Variants in LRP1B observed in about 807,000 individuals in gnomAD.
LRP1B encodes the protein LDL receptor related protein 1B.
A neutral mutation model predicts 556.6 loss-of-function variants in LRP1B; 217 were observed. The ratio of observed to expected loss-of-function variants is 0.39; its 90% CI spans 0.35 to 0.44. The LOEUF (loss-of-function observed/expected upper bound fraction) is 0.44. LRP1B is among the 20% of genes least tolerant of loss of function. LRP1B has a pLI of 1.00. For missense variants in LRP1B, 5,053 were observed against 5,620.8 expected (o/e 0.90, Z 3.23); for synonymous variants, 2,047 against 1,865.8 (o/e 1.10, Z -2.50).
chr2:140,605,756 GAC>G (rs1388844592), intron 41 of LRP1B, among the ~76,000 whole-genome samples: 1 of 147,772 alleles, frequency 6.8e-6, no homozygotes, highest in Non-Finnish European at 1.5e-5. Flanking sequence ...ATTGCAATAA[GAC>G]AACAATTTGA....
intron 2 of LRP1B, among the ~76,000 whole-genome samples, chr2:141,602,555 T>C (rs200647637): frequency 6.6e-6 from 1 of 152,186 alleles, no homozygotes; most frequent in South Asian, 2.1e-4. Flanking sequence ...GTTCCTGAAA[T>C]CTGTTTCTTC....
At chr2:141,331,864 C>G (rs2105495646) in intron 3 of LRP1B, among the ~76,000 whole-genome samples, 1 of 152,238 alleles carries the variant, frequency 6.6e-6, no homozygotes, top group East Asian at 1.9e-4. Flanking sequence ...GTCCCCTTCC[C>G]AGACTAATTA....
chr2:140,481,131 A>G (rs974785477), intron 59 of LRP1B, among the ~76,000 whole-genome samples: 1 of 152,086 alleles, frequency 6.6e-6, no homozygotes, highest in African/African-American at 2.4e-5. Context: ...CTCCCAAAGT[A>G]CAGGAATTAC....
chr2:141,737,660 T>C (rs2217963), intron 2 of LRP1B, among the ~76,000 whole-genome samples: 39,902 of 152,038 alleles, frequency 0.26, 6,682 homozygotes, highest in African/African-American at 0.48. Flanking sequence ...TACACAATTT[T>C]TTGGCAACCT....
intron 41 of LRP1B, among the ~76,000 whole-genome samples, chr2:140,617,583 A>T (rs893373933): frequency 1.3e-5 from 2 of 151,972 alleles, no homozygotes; most frequent in African/African-American, 2.4e-5. Context: ...TTCAAGTTAT[A>T]TAAGGGAAAA....
At chr2:140,243,888 T>A (rs148513690) in intron 87 of LRP1B, among the ~76,000 whole-genome samples, 1 of 151,476 alleles carries the variant, frequency 6.6e-6, no homozygotes, top group Non-Finnish European at 1.5e-5. Context: ...GAGAAAACAC[T>A]CCTGGCCTCA....
chr2:140,604,513 T>C (rs1412976066), intron 41 of LRP1B, among the ~76,000 whole-genome samples: 6 of 152,112 alleles, frequency 3.9e-5, no homozygotes, highest in Non-Finnish European at 5.9e-5. Flanking sequence ...ATAGAGAACA[T>C]ACTTTCATCT....
chr2:140,548,108 T>C (rs1414630150), intron 43 of LRP1B, among the ~76,000 whole-genome samples: 2 of 152,174 alleles, frequency 1.3e-5, no homozygotes, highest in African/African-American at 4.8e-5. Context: ...TAAGTACTTA[T>C]ACATAGTATT....
At chr2:140,451,854 A>T (rs1355688169) in intron 62 of LRP1B, among the ~76,000 whole-genome samples, 1 of 152,164 alleles carries the variant, frequency 6.6e-6, no homozygotes, top group Non-Finnish European at 1.5e-5. Flanking sequence ...CTAAAAAAAA[A>T]ACTTTTCACT....
At chr2:141,205,921 T>C (rs1236386933) in intron 6 of LRP1B, among the ~76,000 whole-genome samples, 1 of 152,156 alleles carries the variant, frequency 6.6e-6, no homozygotes, top group African/African-American at 2.4e-5. Context: ...ATGTGACCCG[T>C]TCTTTGATAG....
intron 51 of LRP1B, among the ~76,000 whole-genome samples, chr2:140,512,809 C>T (rs1283687853): frequency 6.6e-6 from 1 of 152,036 alleles, no homozygotes; most frequent in Non-Finnish European, 1.5e-5. Flanking sequence ...CTTTTGTACT[C>T]CAAAGGTTGA....
At chr2:140,503,167 C>G (rs1285858162) in intron 53 of LRP1B, 64 bp from the exon 54 acceptor site, 2 of 1,422,242 alleles carry the variant, frequency 1.4e-6, no homozygotes, top group African/African-American at 2.8e-5. Context: ...ACGTCATCTC[C>G]TCAATGTACA....
chr2:141,657,999 G>A (rs962034706), intron 2 of LRP1B, among the ~76,000 whole-genome samples: 2 of 152,080 alleles, frequency 1.3e-5, no homozygotes, highest in Admixed American at 6.6e-5. Flanking sequence ...CTTAAATACA[G>A]TACCACAAAT....
chr2:141,602,860 A>G (rs1409769219), intron 2 of LRP1B, among the ~76,000 whole-genome samples: 2 of 152,184 alleles, frequency 1.3e-5, no homozygotes, highest in Non-Finnish European at 2.9e-5. Context: ...CTCATAACTA[A>G]CTGGTTGATG....
chr2:141,423,018 T>C (rs1003659706), intron 3 of LRP1B, among the ~76,000 whole-genome samples: 20 of 152,212 alleles, frequency 1.3e-4, no homozygotes, highest in Admixed American at 1.1e-3. Context: ...GATTACCTTT[T>C]TTTATGACAG....
chr2:141,747,756 G>GAATTTTCT (rs1465372735), intron 2 of LRP1B, among the ~76,000 whole-genome samples: 1 of 152,166 alleles, frequency 6.6e-6, no homozygotes, highest in Non-Finnish European at 1.5e-5. Flanking sequence ...TTGCTTTTAT[G>GAATTTTCT]AATTTTCTAA....
At chr2:140,989,702 A>T (rs767767068) in intron 16 of LRP1B, 45 bp from the exon 17 acceptor site, 2 of 1,597,198 alleles carry the variant, frequency 1.3e-6, no homozygotes, top group African/African-American at 2.7e-5. Flanking sequence ...AAATTGGATA[A>T]AGTTGTGAAT....
At chr2:141,890,254 G>A (rs938122402) in intron 1 of LRP1B, among the ~76,000 whole-genome samples, 2 of 148,560 alleles carry the variant, frequency 1.3e-5, no homozygotes, top group African/African-American at 5.0e-5. Flanking sequence ...TATCAGCATT[G>A]TTGTCTACGT....
At chr2:141,047,505 T>C (rs1189977752) in intron 11 of LRP1B, among the ~76,000 whole-genome samples, 6 of 152,126 alleles carry the variant, frequency 3.9e-5, no homozygotes, top group Non-Finnish European at 1.5e-5. Context: ...TCTCTGCTTT[T>C]ATTTTCTCAT....
Sources: gnomAD v4.1 joint callset for allele counts (sites outside exome capture counted in the v4.1 genomes callset) on GRCh38, gnomAD v4.1.1 for gene constraint, MANE v1.5 for transcripts, NCBI Gene and HGNC (gene_info 2026-07-23, HGNC 2026-07-21) for gene names.